Variants in SYNE1 observed in about 807,000 individuals in gnomAD.
SYNE1 encodes the protein spectrin repeat containing nuclear envelope protein 1, also known as nesprin-1.
A neutral mutation model predicts 1,111.0 loss-of-function variants in SYNE1; 616 were observed. The observed-to-expected ratio is 0.55, with a 90% CI of 0.52 to 0.59. SYNE1 has a LOEUF of 0.59. SYNE1 is among the 20% of genes least tolerant of loss of function. SYNE1 has a pLI of 0.00. For synonymous variants in SYNE1, 3,855 were observed against 3,825.8 expected, an observed-to-expected ratio of 1.01 and a Z score of -0.28; for missense variants, 10,006 against 10,417.0, an observed-to-expected ratio of 0.96 and a Z score of 1.72.
chr6:152,358,615 T>G, intron 65 of SYNE1, 78 bp from the exon 66 acceptor site: 1 of 1,459,570 alleles, frequency 6.9e-7, no homozygotes, highest in South Asian at 1.2e-5. Flanking sequence ...TTCACTTTTG[T>G]AATTTTAGAA....
At chr6:152,304,403 C>G (rs372378648) in intron 91 of SYNE1, among the ~76,000 whole-genome samples, 1 of 152,112 alleles carries the variant, frequency 6.6e-6, no homozygotes, top group Non-Finnish European at 1.5e-5. Context: ...GGCGCAATCT[C>G]GGCTCACTGC....
Position 152,336,984 on chromosome 6 carries a change from T to C in SYNE1, c.12385A>G (p.Thr4129Ala). The stretch of plus-strand genomic sequence containing the variant: ...TGCTTGATCTCTTCCCAGCCCTGAG[T>C]TAAGTTCTGGGCCTGGACAAGCTTT... ...EQKLVQAQNL[T>A]QGWEEIKHLK... Residue 4129 changes from threonine to alanine, a missense_variant, in exon 76 of 146, where the codon ACT (threonine) becomes GCT (alanine). This residue lies in a region of SYNE1 where 4,955 missense variants were observed against 5,017.2 expected (regional missense o/e 0.99). Transcript: ENST00000367255. The C allele has an allele frequency of 6.2e-7, 1 of 1,613,966 alleles. No homozygotes were observed. Among genetic ancestry groups the C allele is most frequent in the Non-Finnish European group, 8.5e-7 (1 of 1,180,012 alleles).
intron 91 of SYNE1, among the ~76,000 whole-genome samples, chr6:152,303,416 A>AAAG (rs59101593): frequency 5.9e-5 from 9 of 151,844 alleles, no homozygotes; most frequent in African/African-American, 9.7e-5. Flanking sequence ...AAAAAAAAAA[A>AAAG]GAACACATTT....
intron 100 of SYNE1, among the ~76,000 whole-genome samples, chr6:152,266,159 G>T (rs1187321212): frequency 6.6e-6 from 1 of 151,994 alleles, no homozygotes; most frequent in Non-Finnish European, 1.5e-5. Flanking sequence ...AGCCAGTACT[G>T]CACTGCAAAT....
chr6:152,524,629 G>A (rs908031477), intron 5 of SYNE1, among the ~76,000 whole-genome samples: 3 of 152,040 alleles, frequency 2.0e-5, no homozygotes, highest in African/African-American at 7.2e-5. Flanking sequence ...TCCTTCCAAA[G>A]CAGAGCTTGA....
At chr6:152,238,853 A>G (rs1034950719) in intron 108 of SYNE1, among the ~76,000 whole-genome samples, 6 of 151,978 alleles carry the variant, frequency 3.9e-5, no homozygotes, top group Non-Finnish European at 8.8e-5. Flanking sequence ...CTGTTCCAAG[A>G]GCAACCGCAT....
chr6:152,274,543 C>A (rs190872664), intron 98 of SYNE1, among the ~76,000 whole-genome samples: 10 of 152,022 alleles, frequency 6.6e-5, no homozygotes, highest in African/African-American at 2.2e-4. Context: ...GGGGGTCATA[C>A]AGAACTTTTT....
At position 152,141,021 on chromosome 6, in the gene SYNE1, C is replaced by T. The variant is rs951226601; in HGVS notation, c.25246+182G>A. Among the ~76,000 whole-genome samples, 3 of 146,662 alleles carry T rather than the reference C, an allele frequency of 2.0e-5. 1 individual carries two copies. The highest frequency in any genetic ancestry group is 4.4e-4 in the South Asian group (2 of 4,508). ...CTGCACTCCAGCCTGGGCGACAGAG[C>T]GCCACTCCGCCTCAAAAAACAAACA... On this transcript the variant is annotated intron_variant, in intron 139 of 145. Transcript: ENST00000367255.
intron 4 of SYNE1, among the ~76,000 whole-genome samples, chr6:152,539,591 T>C (rs1490739071): frequency 6.6e-6 from 1 of 152,196 alleles, no homozygotes; most frequent in African/African-American, 2.4e-5. Flanking sequence ...TTGCTTAGCA[T>C]AGATCACTTA....
intron 67 of SYNE1, 53 bp downstream of exon 67, chr6:152,354,606 T>C: frequency 6.2e-7 from 1 of 1,602,268 alleles, no homozygotes; most frequent in African/African-American, 1.3e-5. Flanking sequence ...TGAAACAAAC[T>C]ATGCAAGGTA....
At chr6:152,191,707 T>C (rs1587399953) in intron 127 of SYNE1, among the ~76,000 whole-genome samples, 1 of 152,134 alleles carries the variant, frequency 6.6e-6, no homozygotes, top group South Asian at 2.1e-4. Flanking sequence ...AACTTTTCAT[T>C]TTGTTGATCT....
chr6:152,560,093 C>T (rs1276836001), intron 3 of SYNE1, among the ~76,000 whole-genome samples: 1 of 152,090 alleles, frequency 6.6e-6, no homozygotes, highest in African/African-American at 2.4e-5. Context: ...TGGCTCACAC[C>T]CGAAATCCCA....
rs777920461 is a variant in SYNE1, at chr6:152,462,764, C to T, written c.2224G>A (p.Val742Ile). 6.2e-6 allele frequency: 10 copies of T among 1,613,918 alleles called. No individual in the cohort carries two copies. The Admixed American group carries it at 8.3e-5, about 13-fold the overall frequency. ...SEPLEVSFMN[V>I]KLLIQDLEDI... ...TCCAAGTCTTGAATTAATAGCTTGACATTCATAAAAGAGACTTCTAAGGGT... is the reference window on the plus strand; with the variant it reads ...TCCAAGTCTTGAATTAATAGCTTGATATTCATAAAAGAGACTTCTAAGGGT... Residue 742 changes from valine to isoleucine, a missense_variant, in exon 20 of 146, where the codon GTC (valine) becomes ATC (isoleucine). By Grantham distance (29) the Val-to-Ile change is conservative. Transcript: ENST00000367255.
At chr6:152,535,338 T>A (rs1379648716) in intron 4 of SYNE1, among the ~76,000 whole-genome samples, 2 of 152,170 alleles carry the variant, frequency 1.3e-5, no homozygotes, top group African/African-American at 2.4e-5. Flanking sequence ...TTTTATAAAT[T>A]TTTTTTCTGC....
intron 73 of SYNE1, among the ~76,000 whole-genome samples, chr6:152,346,207 C>T (rs1388099579): frequency 6.6e-6 from 1 of 152,054 alleles, no homozygotes; most frequent in Non-Finnish European, 1.5e-5. Context: ...CACTTTGTCC[C>T]CCAGGCTGGA....
intron 91 of SYNE1, 109 bp from the exon 92 acceptor site, chr6:152,302,172 G>A (rs1472265743): frequency 3.4e-6 from 5 of 1,450,502 alleles, no homozygotes; most frequent in South Asian, 2.3e-5. Flanking sequence ...AGAGCCGCGC[G>A]GGCCCGGGAG....
In SYNE1 at chr6:152,308,606, A is replaced by C. The variant is rs377344899; in HGVS notation, c.17229T>G (p.Tyr5743Ter). The change falls in exon 91 of 146, where the codon TAT (tyrosine) becomes TAG (stop). Residue 5743 changes from tyrosine (Y) to a stop codon, truncating the protein, a stop_gained. Transcript: ENST00000367255. LOFTEE classifies it high-confidence loss of function. ...MQEAVVQYEQYEQEMKHLQQL... is the reference protein window; with the variant it reads ...MQEAVVQYEQ ...GCTGGAGATGTTTCATTTCTTGCTCATATTGTTCATATTGTACCACAGCTT... is the reference window on the plus strand; with the variant it reads ...GCTGGAGATGTTTCATTTCTTGCTCCTATTGTTCATATTGTACCACAGCTT... 7 of 1,612,038 alleles carry C rather than the reference A, an allele frequency of 4.3e-6. No individual in the cohort carries two copies. Among genetic ancestry groups the C allele is most frequent in the Non-Finnish European group, 5.9e-6 (7 of 1,179,710 alleles).
At chr6:152,189,556 T>C (rs1180624954) in intron 127 of SYNE1, 149 bp from the exon 128 acceptor site, 2 of 734,948 alleles carry the variant, frequency 2.7e-6, no homozygotes, top group Non-Finnish European at 4.5e-6. Context: ...CATGGCAATA[T>C]TACAGATTTG....
chr6:152,401,192 T>A lies in SYNE1; in HGVS notation c.6975A>T (p.Glu2325Asp), dbSNP rs758413774. 1.2e-6 allele frequency: 2 copies of A among 1,614,178 alleles called. No homozygotes were observed. The highest frequency in any genetic ancestry group is 2.7e-5 in the African/African-American group (2 of 75,080). Residue 2325 changes from glutamate to aspartate, a missense_variant, in exon 47 of 146, where the codon GAA becomes GAT. Around this residue, in one of 7 missense-constraint regions of SYNE1, gnomAD observed 4,955 missense variants for 5,017.2 expected, o/e 0.99. Coordinates refer to ENST00000367255, the MANE Select transcript of SYNE1 (RefSeq NM_182961.4). ...DITTWFTKVE[E>D]SLMNCAQNET... ...CATTTTGGGCACAGTTCATCAACGATTCTTCCACTTTTGTGAACCATGTTG... is the reference window on the plus strand; with the variant it reads ...CATTTTGGGCACAGTTCATCAACGAATCTTCCACTTTTGTGAACCATGTTG...
Sources: allele counts gnomAD v4.1 joint callset (sites outside exome capture counted in the v4.1 genomes callset), GRCh38; gene constraint gnomAD v4.1.1; regional missense constraint gnomAD v4.1.1; transcripts MANE v1.5; gene names NCBI Gene and HGNC (gene_info 2026-07-23, HGNC 2026-07-21).